The following KCNH7 variants were observed in gnomAD, a reference collection of about 807,000 sequenced individuals.
The protein encoded by KCNH7 is potassium voltage-gated channel subfamily H member 7.
Under a neutral mutation model 120.8 loss-of-function variants are expected in KCNH7, and 49 were observed. The observed-to-expected ratio is 0.41, with a 90% CI of 0.32 to 0.51. The LOEUF is 0.51. KCNH7 is among the 20% of genes least tolerant of loss of function. The probability of loss-of-function intolerance (pLI) is 0.38; values close to 1 mark genes in which losing one functional copy is unlikely to be tolerated. For missense variants in KCNH7, 1,097 were observed against 1,446.6 expected, an observed-to-expected ratio of 0.76 and a Z score of 3.92; for synonymous variants, 547 against 516.1, an observed-to-expected ratio of 1.06 and a Z score of -0.81.
intron 6 of KCNH7, among the ~76,000 whole-genome samples, chr2:162,501,410 G>A (rs889547115): frequency 1.3e-5 from 2 of 152,112 alleles, no homozygotes; most frequent in African/African-American, 4.8e-5. Context: ...GAGTGGGAGG[G>A]GGATACTCCA....
intron 2 of KCNH7, among the ~76,000 whole-genome samples, chr2:162,714,828 C>CT (rs1269767609): frequency 6.6e-6 from 1 of 152,054 alleles, no homozygotes; most frequent in African/African-American, 2.4e-5. Flanking sequence ...AATTTTAATT[C>CT]TTTTTTCAAT....
At chr2:162,663,734 A>T (rs1244122792) in intron 2 of KCNH7, among the ~76,000 whole-genome samples, 1 of 151,976 alleles carries the variant, frequency 6.6e-6, no homozygotes, top group Non-Finnish European at 1.5e-5. Context: ...CAATATGATA[A>T]TATTACAGTG....
intron 2 of KCNH7, among the ~76,000 whole-genome samples, chr2:162,677,869 T>C (rs35417086): frequency 6.6e-6 from 1 of 151,560 alleles, no homozygotes; most frequent in African/African-American, 2.4e-5. Context: ...CACTTTTTGG[T>C]TTTAATTTGC....
At chr2:162,610,268 G>C (rs1682922530) in intron 2 of KCNH7, among the ~76,000 whole-genome samples, 2 of 152,146 alleles carry the variant, frequency 1.3e-5, no homozygotes, top group African/African-American at 4.8e-5. Context: ...AACACCTGGG[G>C]ACTCATTTAC....
chr2:162,396,084 C>T (rs922556033), intron 11 of KCNH7, among the ~76,000 whole-genome samples: 7 of 151,724 alleles, frequency 4.6e-5, no homozygotes, highest in South Asian at 2.1e-4. Context: ...ACAGTAATAG[C>T]TCATAAGGGC....
intron 2 of KCNH7, among the ~76,000 whole-genome samples, chr2:162,612,728 T>C (rs1683011497): frequency 6.6e-6 from 1 of 151,984 alleles, no homozygotes; most frequent in African/African-American, 2.4e-5. Context: ...GTATATAATA[T>C]ACATACATAC....
chr2:162,512,129 A>G (rs914480592), intron 5 of KCNH7, among the ~76,000 whole-genome samples: 16 of 151,818 alleles, frequency 1.1e-4, no homozygotes, highest in Admixed American at 1.3e-4. Flanking sequence ...TGATTAAAAT[A>G]TAATAGAGAA....
intron 2 of KCNH7, among the ~76,000 whole-genome samples, chr2:162,810,797 T>A (rs1433093565): frequency 6.6e-6 from 1 of 152,148 alleles, no homozygotes; most frequent in Non-Finnish European, 1.5e-5. Flanking sequence ...AATTTAGTTC[T>A]AAAATCTGAT....
chr2:162,572,787 T>C (rs1693528634), intron 2 of KCNH7, among the ~76,000 whole-genome samples: 1 of 144,502 alleles, frequency 6.9e-6, no homozygotes, highest in South Asian at 2.3e-4. Context: ...CTCAGTAAAC[T>C]ACCACAAGAA....
chr2:162,625,966 A>G (rs1245638674), intron 2 of KCNH7, among the ~76,000 whole-genome samples: 1 of 152,094 alleles, frequency 6.6e-6, no homozygotes, highest in Non-Finnish European at 1.5e-5. Flanking sequence ...ATCAAATGGA[A>G]TTCACCTCAA....
intron 14 of KCNH7, among the ~76,000 whole-genome samples, chr2:162,377,859 A>G (rs1048252706): frequency 3.9e-5 from 6 of 152,254 alleles, no homozygotes; most frequent in African/African-American, 1.4e-4. Flanking sequence ...AAAGTTTTAT[A>G]TAGTAATAAT....
rs182513727 is a variant in KCNH7, at chr2:162,490,162, T to G, written c.1128+14281A>C. ...CCACAAGTTCTTACACCAGATGTTT[T>G]GTGCAGACAAGGGAATTTGCACAGG... On this transcript the variant is annotated intron_variant, in intron 6 of 15. Coordinates refer to ENST00000332142, the MANE Select transcript of KCNH7 (RefSeq NM_033272.4). Among the ~76,000 whole-genome samples the G allele has an allele frequency of 1.6e-4, 24 of 152,374 alleles. No homozygotes were observed. The East Asian group carries it at 4.6e-3, about 29-fold the overall frequency.
chr2:162,415,503 G>T (rs896093240), intron 9 of KCNH7, among the ~76,000 whole-genome samples: 3 of 152,074 alleles, frequency 2.0e-5, no homozygotes, highest in African/African-American at 7.2e-5. Context: ...TTTAATCACT[G>T]TAAAACAAAT....
At chr2:162,399,052 T>A (rs1686997599) in intron 10 of KCNH7, among the ~76,000 whole-genome samples, 1 of 151,890 alleles carries the variant, frequency 6.6e-6, no homozygotes, top group Admixed American at 6.6e-5. Flanking sequence ...CCTGTCCTGT[T>A]GGAGAGAACC....
chr2:162,573,526 A>C (rs1158070216), intron 2 of KCNH7, among the ~76,000 whole-genome samples: 1 of 152,082 alleles, frequency 6.6e-6, no homozygotes, highest in East Asian at 1.9e-4. Flanking sequence ...AAATTTACAA[A>C]GAGTTTATTA....
At chr2:162,434,558 T>C (rs1027318884) in intron 8 of KCNH7, among the ~76,000 whole-genome samples, 2 of 152,066 alleles carry the variant, frequency 1.3e-5, no homozygotes, top group Admixed American at 1.3e-4. Context: ...GCTTTTTTAA[T>C]TCCAAAGAAT....
At chr2:162,720,344 G>A (rs1687285969) in intron 2 of KCNH7, among the ~76,000 whole-genome samples, 1 of 142,942 alleles carries the variant, frequency 7.0e-6, no homozygotes, top group South Asian at 2.3e-4. Context: ...GGGAGAGAGA[G>A]AAAAAGGGAG....
chr2:162,405,782 A>T (rs1325065732), intron 9 of KCNH7, among the ~76,000 whole-genome samples: 2 of 151,972 alleles, frequency 1.3e-5, no homozygotes, highest in Admixed American at 6.6e-5. Context: ...TATACCAGTA[A>T]AATAATTATA....
At chr2:162,448,800 G>C (rs1223890485) in intron 6 of KCNH7, among the ~76,000 whole-genome samples, 1 of 152,008 alleles carries the variant, frequency 6.6e-6, no homozygotes, top group Non-Finnish European at 1.5e-5. Context: ...TTGAAAGATG[G>C]GGAAGACACT....
Sources: gnomAD v4.1 joint callset for allele counts (sites outside exome capture counted in the v4.1 genomes callset) on GRCh38, gnomAD v4.1.1 for gene constraint, MANE v1.5 for transcripts, NCBI Gene and HGNC (gene_info 2026-07-23, HGNC 2026-07-21) for gene names.